Variants in FRMD4A observed in about 807,000 individuals in gnomAD.
The protein encoded by FRMD4A is FERM domain-containing protein 4A.
FRMD4A carries 29 observed loss-of-function variants against 129.1 expected under a neutral mutation model. The observed-to-expected ratio is 0.22, with a 90% CI of 0.17 to 0.31. The LOEUF is 0.31. Ranked by LOEUF, FRMD4A falls within the 10% of genes least tolerant of loss-of-function variation. FRMD4A has a pLI of 1.00. For missense variants in FRMD4A, 1,272 were observed against 1,375.8 expected, an observed-to-expected ratio of 0.92 and a Z score of 1.19; for synonymous variants, 634 against 571.6, an observed-to-expected ratio of 1.11 and a Z score of -1.56.
At chr10:13,959,506 AG>A (rs1438302725) in intron 2 of FRMD4A, among the ~76,000 whole-genome samples, 346 of 9,128 alleles carry the variant, frequency 0.038, 2 homozygotes, top group Middle Eastern at 0.083. Context: ...AAAAGCTGTG[AG>A]TGATTTTTTT....
At chr10:13,928,543 A>G (rs2131278175) in intron 2 of FRMD4A, among the ~76,000 whole-genome samples, 1 of 152,290 alleles carries the variant, frequency 6.6e-6, no homozygotes, top group African/African-American at 2.4e-5. Context: ...GACCCTTACT[A>G]GAAGACTAGC....
intron 14 of FRMD4A, among the ~76,000 whole-genome samples, chr10:13,696,809 C>T (rs1394859628): frequency 6.6e-6 from 1 of 152,136 alleles, no homozygotes; most frequent in Non-Finnish European, 1.5e-5. Flanking sequence ...CGGACTTTGA[C>T]CCTTCACCTT....
chr10:13,833,884 TG>T (rs2093829884), intron 3 of FRMD4A, among the ~76,000 whole-genome samples: 1 of 152,128 alleles, frequency 6.6e-6, no homozygotes. Context: ...AGGCAGGGTC[TG>T]GGCGCTTAAA....
At chr10:13,856,015 T>TATCTATCTATC (rs1554941341) in intron 3 of FRMD4A, among the ~76,000 whole-genome samples, 5 of 23,962 alleles carry the variant, frequency 2.1e-4, no homozygotes, top group African/African-American at 5.1e-4. Context: ...ACACAAATAC[T>TATCTATCTATC]ATCTATCTAT....
chr10:14,309,487 C>T (rs938832981), intron 2 of FRMD4A, among the ~76,000 whole-genome samples: 1 of 152,090 alleles, frequency 6.6e-6, no homozygotes, highest in African/African-American at 2.4e-5. Context: ...ACAACAACAA[C>T]AAAACCGTAT....
intron 2 of FRMD4A, among the ~76,000 whole-genome samples, chr10:14,203,560 A>C (rs1000482420): frequency 5.3e-5 from 8 of 152,256 alleles, no homozygotes; most frequent in African/African-American, 1.7e-4. Context: ...ATAAACCTAA[A>C]GAACAGACAT....
At chr10:13,681,367 G>A (rs575921551) in intron 15 of FRMD4A, among the ~76,000 whole-genome samples, 23 of 152,214 alleles carry the variant, frequency 1.5e-4, no homozygotes, top group Admixed American at 4.6e-4. Context: ...GCTGTCTCTG[G>A]GATTAATGAA....
chr10:14,070,892 G>A (rs1337930362), intron 2 of FRMD4A, among the ~76,000 whole-genome samples: 1 of 152,200 alleles, frequency 6.6e-6, no homozygotes, highest in Non-Finnish European at 1.5e-5. Flanking sequence ...CAATGCTAAA[G>A]GAAGTTTCCA....
intron 2 of FRMD4A, among the ~76,000 whole-genome samples, chr10:13,881,496 G>A (rs1218637564): frequency 6.6e-6 from 1 of 152,172 alleles, no homozygotes; most frequent in Non-Finnish European, 1.5e-5. Flanking sequence ...AACAGGCAGA[G>A]AGAGAAAGCA....
intron 2 of FRMD4A, among the ~76,000 whole-genome samples, chr10:14,148,533 GT>G (rs1840189733): frequency 6.6e-6 from 1 of 152,178 alleles, no homozygotes; most frequent in Admixed American, 6.5e-5. Flanking sequence ...GGAGGCTGAG[GT>G]GGGTGGACCA....
chr10:13,934,287 A>G (rs2095230129), intron 2 of FRMD4A, among the ~76,000 whole-genome samples: 1 of 152,250 alleles, frequency 6.6e-6, no homozygotes, highest in Admixed American at 6.5e-5. Context: ...TAGACAATCT[A>G]GATTCACAGA....
intron 2 of FRMD4A, among the ~76,000 whole-genome samples, chr10:13,894,096 T>G (rs1253207767): frequency 2.0e-5 from 3 of 152,014 alleles, no homozygotes; most frequent in Non-Finnish European, 4.4e-5. Context: ...AACTACCTCA[T>G]GAAAAGTCAT....
chr10:14,224,659 A>G (rs563118405), intron 2 of FRMD4A, among the ~76,000 whole-genome samples: 24 of 152,282 alleles, frequency 1.6e-4, no homozygotes, highest in Non-Finnish European at 2.2e-4. Flanking sequence ...TCAGGGCCCC[A>G]CCTAGATTCC....
At chr10:13,700,865 TAA>T (rs5783344) in intron 14 of FRMD4A, among the ~76,000 whole-genome samples, 3,343 of 115,716 alleles carry the variant, frequency 0.029, 158 homozygotes, top group African/African-American at 0.1. Flanking sequence ...AGTTTTGCAT[TAA>T]AAAAAAAAAA....
intron 3 of FRMD4A, among the ~76,000 whole-genome samples, chr10:13,823,289 C>T (rs1010465925): frequency 6.6e-6 from 1 of 152,134 alleles, no homozygotes; most frequent in African/African-American, 2.4e-5. Context: ...TTAGGGAGGC[C>T]TCCTGATGAA....
At chr10:14,180,371 ACC>A (rs1217847462) in intron 2 of FRMD4A, among the ~76,000 whole-genome samples, 1 of 152,174 alleles carries the variant, frequency 6.6e-6, no homozygotes, top group East Asian at 1.9e-4. Context: ...TGACTTTGCC[ACC>A]CTCTCTTTTT....
chr10:13,955,333 C>A (rs1396088569), intron 2 of FRMD4A, among the ~76,000 whole-genome samples: 1 of 152,136 alleles, frequency 6.6e-6, no homozygotes, highest in Non-Finnish European at 1.5e-5. Context: ...GTCTCGAACT[C>A]CTGACCTAAA....
At chr10:14,000,307 G>A (rs943133038) in intron 2 of FRMD4A, among the ~76,000 whole-genome samples, 1 of 152,104 alleles carries the variant, frequency 6.6e-6, no homozygotes, top group Non-Finnish European at 1.5e-5. Context: ...TATTCATTAT[G>A]TTAGAGCAGT....
chr10:14,194,128 A>G (rs1414940390), intron 2 of FRMD4A, among the ~76,000 whole-genome samples: 2 of 152,152 alleles, frequency 1.3e-5, no homozygotes, highest in South Asian at 2.1e-4. Flanking sequence ...ACTTATCTTC[A>G]TTTTGCAAAT....
Sources: gnomAD v4.1 joint callset for allele counts (sites outside exome capture counted in the v4.1 genomes callset) on GRCh38, gnomAD v4.1.1 for gene constraint, MANE v1.5 for transcripts, NCBI Gene and HGNC (gene_info 2026-07-23, HGNC 2026-07-21) for gene names.